ECT2L: variants seen among roughly 807,000 people sequenced by gnomAD.
ECT2L encodes epithelial cell transforming 2 like, also known as epithelial cell-transforming sequence 2 oncogene-like.
A neutral mutation model predicts 122.8 loss-of-function variants in ECT2L; 126 were observed. The ratio of observed to expected loss-of-function variants is 1.03; its 90% CI spans 0.89 to 1.19. The LOEUF (loss-of-function observed/expected upper bound fraction) is 1.19. Ranked by LOEUF, ECT2L falls within the 50% of genes most tolerant of loss-of-function variation. The pLI is 0.00. For synonymous variants in ECT2L, 385 were observed against 381.8 expected (o/e 1.01, Z -0.10); for missense variants, 1,012 against 1,064.1 (o/e 0.95, Z 0.68).
intron 20 of ECT2L, among the ~76,000 whole-genome samples, chr6:138,899,980 G>A (rs1012581342): frequency 8.5e-5 from 13 of 152,198 alleles, no homozygotes; most frequent in African/African-American, 3.1e-4. Flanking sequence ...GAAAAGCAAA[G>A]AGGATAACAG....
At chr6:138,891,921 G>C (rs1177659639) in intron 20 of ECT2L, among the ~76,000 whole-genome samples, 1 of 152,178 alleles carries the variant, frequency 6.6e-6, no homozygotes, top group African/African-American at 2.4e-5. Context: ...ATTATGCCTA[G>C]ATGTAGACTT....
At chr6:138,803,400 T>C (rs545396126) in intron 1 of ECT2L, among the ~76,000 whole-genome samples, 64 of 152,280 alleles carry the variant, frequency 4.2e-4, no homozygotes, top group African/African-American at 1.5e-3. Context: ...GCGACTATTC[T>C]TTCTGTAATG....
chr6:138,828,543 G>A (rs902097206), intron 4 of ECT2L, among the ~76,000 whole-genome samples: 8 of 152,192 alleles, frequency 5.3e-5, no homozygotes, highest in African/African-American at 1.9e-4. Context: ...AGTTCCAGTG[G>A]TTTTTGTGTG....
chr6:138,862,746 C>T (rs374094056), intron 11 of ECT2L, 27 bp downstream of exon 11: 77 of 1,581,792 alleles, frequency 4.9e-5, no homozygotes, highest in East Asian at 1.6e-4. Context: ...CTGAGCGCCA[C>T]GTCCAATAAC....
chr6:138,861,094 T>C (rs1777813510), intron 10 of ECT2L, among the ~76,000 whole-genome samples: 1 of 152,202 alleles, frequency 6.6e-6, no homozygotes, highest in Admixed American at 6.5e-5. Flanking sequence ...TTCCATGATG[T>C]ATATGTGCCA....
intron 9 of ECT2L, among the ~76,000 whole-genome samples, chr6:138,851,562 T>C (rs1237508846): frequency 1.3e-5 from 2 of 151,356 alleles, no homozygotes; most frequent in African/African-American, 2.4e-5. Flanking sequence ...TTTGCATTTC[T>C]CTGATTAGTG....
chr6:138,813,411 C>A, intron 3 of ECT2L, 71 bp downstream of exon 3: 1 of 1,149,414 alleles, frequency 8.7e-7, no homozygotes, highest in Non-Finnish European at 1.2e-6. Flanking sequence ...TATTGGGTCT[C>A]ATGTTGCCAC....
intron 8 of ECT2L, 91 bp from the exon 9 acceptor site, chr6:138,849,178 C>T (rs1429818126): frequency 7.3e-6 from 9 of 1,231,642 alleles, no homozygotes; most frequent in Non-Finnish European, 9.7e-6. Flanking sequence ...TTAGAAATCA[C>T]GGCGTATTTT....
chr6:138,871,131 C>T (rs1163802510), intron 13 of ECT2L, among the ~76,000 whole-genome samples: 3 of 152,154 alleles, frequency 2.0e-5, no homozygotes, highest in Non-Finnish European at 4.4e-5. Flanking sequence ...TTCTTGTTTA[C>T]ATGAAATAAC....
intron 4 of ECT2L, among the ~76,000 whole-genome samples, chr6:138,820,407 A>T (rs1776233052): frequency 6.6e-6 from 1 of 152,216 alleles, no homozygotes; most frequent in Admixed American, 6.5e-5. Context: ...TTTGAGAACT[A>T]TTTTGGGACA....
At chr6:138,842,417 C>A (rs13211207) in intron 5 of ECT2L, among the ~76,000 whole-genome samples, 1 of 150,936 alleles carries the variant, frequency 6.6e-6, no homozygotes, top group African/African-American at 2.4e-5. Flanking sequence ...GCTGAGATCG[C>A]GCCACTGCAC....
intron 12 of ECT2L, among the ~76,000 whole-genome samples, chr6:138,867,494 G>C (rs1029282939): frequency 6.6e-6 from 1 of 151,948 alleles, no homozygotes; most frequent in African/African-American, 2.4e-5. Context: ...GGGAAACACA[G>C]CAAGACCCCA....
intron 4 of ECT2L, among the ~76,000 whole-genome samples, chr6:138,826,019 T>C (rs1776436706): frequency 6.6e-6 from 1 of 152,170 alleles, no homozygotes; most frequent in Admixed American, 6.5e-5. Flanking sequence ...ATGGAAGCAT[T>C]CCCTCTTCGC....
chr6:138,902,913 C>A lies in ECT2L; in HGVS notation c.*286C>A. 1 of 325,002 alleles carries A rather than the reference C, an allele frequency of 3.1e-6. No homozygotes were observed. Among genetic ancestry groups the A allele is most frequent in the Non-Finnish European group, 5.7e-6 (1 of 175,914 alleles). The allele number at this position is 325,002 out of a possible 1,614,324, so 20.1% of individuals were successfully genotyped here. A position where few individuals can be genotyped will look rare whatever the true frequency, so the allele number is the denominator to read the frequency against. ...TAATTTGATGTGATGAAACCTAAGA[C>A]AGAGCAAGCACATTGTGTAAAGCTT... On this transcript the variant is annotated 3_prime_UTR_variant, in exon 22 of 22. Transcript: ENST00000541398.
At chr6:138,893,023 G>T (rs1311079186) in intron 20 of ECT2L, among the ~76,000 whole-genome samples, 1 of 152,122 alleles carries the variant, frequency 6.6e-6, no homozygotes, top group African/African-American at 2.4e-5. Flanking sequence ...GAGCCTTACA[G>T]TTATTTTAGC....
At chr6:138,890,492 C>CTTTTTTTTTTTTTTGTTTTTTTTTTTTTT (rs1778980721) in intron 20 of ECT2L, among the ~76,000 whole-genome samples, 1 of 78,988 alleles carries the variant, frequency 1.3e-5, no homozygotes, top group Non-Finnish European at 2.2e-5. Flanking sequence ...TTTCTTTGAT[C>CTTTTTTTTTTTTTTGTTTTTTTTTTTTTT]TTTTTTTTTT....
chr6:138,812,728 C>G (rs1775942440), intron 1 of ECT2L, 110 bp from the exon 2 acceptor site: 1 of 152,276 alleles, frequency 6.6e-6, no homozygotes, highest in Non-Finnish European at 1.5e-5. Flanking sequence ...TGGATTGAAC[C>G]CGGGAGGCGG....
intron 7 of ECT2L, among the ~76,000 whole-genome samples, chr6:138,845,608 T>C (rs919072619): frequency 6.6e-6 from 1 of 152,136 alleles, no homozygotes; most frequent in Admixed American, 6.6e-5. Flanking sequence ...AACTGGGGCC[T>C]AGGAAGGTGA....
intron 19 of ECT2L, among the ~76,000 whole-genome samples, chr6:138,887,950 A>C (rs539558352): frequency 7.2e-5 from 11 of 152,134 alleles, no homozygotes; most frequent in Non-Finnish European, 1.6e-4. Flanking sequence ...GCAATCCTTT[A>C]TTCATGAAAC....
Sources: allele counts gnomAD v4.1 joint callset (sites outside exome capture counted in the v4.1 genomes callset), GRCh38; gene constraint gnomAD v4.1.1; transcripts MANE v1.5; gene names NCBI Gene and HGNC (gene_info 2026-07-23, HGNC 2026-07-21).